Variants in CYP4F8 observed in about 807,000 individuals in gnomAD.
CYP4F8 encodes the protein cytochrome P450 family 4 subfamily F member 8.
Under a neutral mutation model 55.0 loss-of-function variants are expected in CYP4F8, and 56 were observed. That is an observed-to-expected ratio of 1.02 (90% CI 0.82 to 1.27). CYP4F8 has a LOEUF of 1.27. Among genes scored for constraint, CYP4F8 ranks in the 50% most tolerant of loss-of-function variants. CYP4F8 has a pLI of 0.00. For missense variants in CYP4F8, 680 were observed against 682.4 expected (o/e 1.00, Z 0.04); for synonymous variants, 288 against 267.3 (o/e 1.08, Z -0.76).
At chr19:15,626,310 C>T (rs1181394924) in intron 9 of CYP4F8, among the ~76,000 whole-genome samples, 1 of 152,226 alleles carries the variant, frequency 6.6e-6, no homozygotes, top group Non-Finnish European at 1.5e-5. Flanking sequence ...ATATTGGCAG[C>T]TTCTGTGCAC....
At chr19:15,626,802 T>A (rs1038902347) in intron 9 of CYP4F8, among the ~76,000 whole-genome samples, 1 of 152,192 alleles carries the variant, frequency 6.6e-6, no homozygotes, top group African/African-American at 2.4e-5. Context: ...TACTCTTAAG[T>A]CACAAAAATT....
intron 3 of CYP4F8, 152 bp from the exon 4 acceptor site, chr19:15,619,338 C>G: frequency 3.7e-6 from 3 of 817,868 alleles, no homozygotes; most frequent in Non-Finnish European, 3.8e-6. Flanking sequence ...TTATGCCCCC[C>G]ACCCTCCTTT....
chr19:15,629,072 C>G, intron 12 of CYP4F8, 121 bp from the exon 13 acceptor site: 1 of 1,395,016 alleles, frequency 7.2e-7, no homozygotes, highest in Non-Finnish European at 9.5e-7. Context: ...CCAGACCCAG[C>G]TTCCCCCCTG....
intron 5 of CYP4F8, among the ~76,000 whole-genome samples, chr19:15,621,011 G>A (rs1242234452): frequency 2.0e-5 from 3 of 152,174 alleles, no homozygotes; most frequent in Admixed American, 2.0e-4. Flanking sequence ...AGTGGCATGT[G>A]CATCTTGTTG....
chr19:15,619,521 C>T lies in CYP4F8; in HGVS notation c.375C>T (p.Tyr125=), dbSNP rs765572986. 6.6e-5 allele frequency: 106 copies of T among 1,614,084 alleles called. 1 individual carries two copies. The East Asian group carries it at 2.1e-3, about 33-fold the overall frequency. ...TTACAGACAAGGACATAGTCTTCTA[C>T]AAGACCCTGAAGCCCTGGCTGGGTA... The part of the protein sequence containing the change: ...DAITDKDIVF[Y]KTLKPWLGDG... Residue 125 remains tyrosine, a synonymous_variant, in exon 4 of 13, where the codon TAC becomes TAT. Transcript: ENST00000612078.
chr19:15,628,838 G>T lies in CYP4F8; in HGVS notation c.1392G>T (p.Gly464=), dbSNP rs755771086. 13 of 1,598,872 alleles carry T rather than the reference G, an allele frequency of 8.1e-6. No homozygotes were observed. The highest frequency in any genetic ancestry group is 5.4e-5 in the African/African-American group (4 of 74,254). Residue 464 remains glycine, a synonymous_variant, in exon 12 of 13, where the codon GGG becomes GGT. Transcript: ENST00000612078. ...TGGCTTTTATTCCTTTCTCGGCGGG[G>T]CCCAGGTGAGGCCAGGGGGTGTCTG... ...SPMAFIPFSA[G]PRNCIGQKFA...
intron 2 of CYP4F8, among the ~76,000 whole-genome samples, chr19:15,616,312 T>TCG (rs1279916799): frequency 1.4e-5 from 2 of 140,824 alleles, no homozygotes; most frequent in African/African-American, 5.4e-5. Flanking sequence ...ATTCCTCTCC[T>TCG]TGCTCACTCA....
intron 2 of CYP4F8, among the ~76,000 whole-genome samples, chr19:15,617,508 A>ATCTC (rs1324220609): frequency 6.6e-6 from 1 of 150,822 alleles, no homozygotes; most frequent in Non-Finnish European, 1.5e-5. Context: ...CTATCTATCT[A>ATCTC]TCTATCTATC....
intron 9 of CYP4F8, among the ~76,000 whole-genome samples, chr19:15,626,702 T>A (rs1972267985): frequency 6.6e-6 from 1 of 152,194 alleles, no homozygotes; most frequent in African/African-American, 2.4e-5. Context: ...GGGTCCACTG[T>A]ATCTTTTACT....
At chr19:15,618,233 A>G in intron 3 of CYP4F8, 89 bp downstream of exon 3, 1 of 1,589,410 alleles carries the variant, frequency 6.3e-7, no homozygotes, top group Non-Finnish European at 8.6e-7. Flanking sequence ...CAGCTCTTGT[A>G]GTACTCAGCC....
intron 9 of CYP4F8, among the ~76,000 whole-genome samples, chr19:15,626,622 T>TATCTATC (rs1555738315): frequency 1.4e-5 from 2 of 145,604 alleles, no homozygotes; most frequent in African/African-American, 5.1e-5. Flanking sequence ...TCTATCTATC[T>TATCTATC]ATCTATCTAT....
At chr19:15,624,364 CT>C (rs941111978) in intron 9 of CYP4F8, among the ~76,000 whole-genome samples, 2 of 152,168 alleles carry the variant, frequency 1.3e-5, no homozygotes, top group Non-Finnish European at 2.9e-5. Context: ...AACTTTTCTC[CT>C]TTGTAAATTG....
At chr19:15,622,962 A>C in intron 6 of CYP4F8, 143 bp from the exon 7 acceptor site, 2 of 993,380 alleles carry the variant, frequency 2.0e-6, no homozygotes, top group Non-Finnish European at 2.9e-6. Context: ...GGCAGCTCAC[A>C]GAGAGTGGGA....
Position 15,628,357 on chromosome 19 carries a change from T to C in CYP4F8, c.1171T>C (p.Leu391=). 6.2e-7 allele frequency: 1 copy of C among 1,614,046 alleles called. No individual in the cohort carries two copies. Among genetic ancestry groups the C allele is most frequent in the Non-Finnish European group, 8.5e-7 (1 of 1,180,006 alleles). Reference sequence around the variant, plus strand: ...CATGTGCCTGAAGGAGAGCCTGCGGTTGCATCCCCCAATCCCTACATTCGC... The same window carrying C: ...CATGTGCCTGAAGGAGAGCCTGCGGCTGCATCCCCCAATCCCTACATTCGC... ...LTMCLKESLR[L]HPPIPTFARG... is the part of the protein sequence containing the mutation. Residue 391 remains leucine, a synonymous_variant, in exon 10 of 13, where the codon TTG becomes CTG. Coordinates refer to ENST00000612078, the MANE Select transcript of CYP4F8 (RefSeq NM_007253.4).
At position 15,618,144 on chromosome 19, in the gene CYP4F8, G is replaced by T; in HGVS notation, c.343G>T (p.Asp115Tyr). ...CGTCCGATCTGTCATCAATACCTCA[G>T]GTACTCCTGCAGAGCTTGTGGTGGT... Reference protein sequence around the residue: ...DIVRSVINTSDAITDKDIVFY... With the variant: ...DIVRSVINTSYAITDKDIVFY... Residue 115 changes from aspartate to tyrosine, a missense_variant and splice_region_variant, in exon 3 of 13, where the codon GAT becomes TAT. Asp to Tyr is a radical substitution (Grantham distance 160). Transcript: ENST00000612078. 6.2e-7 allele frequency: 1 copy of T among 1,614,078 alleles called. No individual in the cohort carries two copies. Among genetic ancestry groups the T allele is most frequent in the Non-Finnish European group, 8.5e-7 (1 of 1,179,970 alleles).
intron 9 of CYP4F8, 142 bp from the exon 10 acceptor site, chr19:15,628,160 G>C: frequency 7.5e-7 from 1 of 1,326,994 alleles, no homozygotes; most frequent in Non-Finnish European, 1.0e-6. Context: ...TGTGACTTTG[G>C]TTTTCTAATG....
In CYP4F8 at chr19:15,628,809, C is replaced by A; in HGVS notation, c.1363C>A (p.Pro455Thr). 2 of 1,609,514 alleles carry A rather than the reference C, an allele frequency of 1.2e-6. No homozygotes were observed. Among genetic ancestry groups the A allele is most frequent in the Non-Finnish European group, 1.7e-6 (2 of 1,178,266 alleles). Residue 455 changes from proline (P) to threonine (T), a missense_variant, in exon 12 of 13, where the codon CCT becomes ACT. Pro to Thr is a conservative substitution (Grantham distance 38). Transcript: ENST00000612078. Reference sequence around the variant, plus strand: ...CCCAGAAAACGCCCAGAAGAGGTCACCTATGGCTTTTATTCCTTTCTCGGC... The same window carrying A: ...CCCAGAAAACGCCCAGAAGAGGTCAACTATGGCTTTTATTCCTTTCTCGGC... ...FDPENAQKRS[P>T]MAFIPFSAGP...
chr19:15,629,030 G>A lies in CYP4F8; in HGVS notation c.1398-163G>A, dbSNP rs554025333. Among the ~76,000 whole-genome samples the A allele has an allele frequency of 3.0e-4, 46 of 152,276 alleles. 1 individual carries two copies. The highest frequency in any genetic ancestry group is 2.1e-3 in the Admixed American group (32 of 15,296). On this transcript the variant is annotated intron_variant, in intron 12 of 12. Transcript: ENST00000612078. ...CAGTTGGGGCTGGGGTCTGGGCTAGGCTCTGGGAATATGCAAGCCCACATG... is the reference window on the plus strand; with the variant it reads ...CAGTTGGGGCTGGGGTCTGGGCTAGACTCTGGGAATATGCAAGCCCACATG...
Position 15,619,364 on chromosome 19 carries a change from G to A in CYP4F8, c.344-126G>A, listed in dbSNP as rs892794244. 53 of 1,125,344 alleles carry A rather than the reference G, an allele frequency of 4.7e-5. 1 individual carries two copies. The South Asian group carries it at 8.2e-4, about 17-fold the overall frequency. The allele number at this position is 1,125,344 out of a possible 1,614,324, so 69.7% of individuals were successfully genotyped here. On this transcript the variant is annotated intron_variant, in intron 3 of 12. Transcript: ENST00000612078. The stretch of plus-strand genomic sequence containing the variant: ...ACCCTCCTTTCTTCTTCTGCCCATG[G>A]CCTCCTTCCTGCTATGCTGGGCTTG...
Sources: gnomAD v4.1 joint callset for allele counts (sites outside exome capture counted in the v4.1 genomes callset) on GRCh38, gnomAD v4.1.1 for gene constraint, MANE v1.5 for transcripts, NCBI Gene and HGNC (gene_info 2026-07-23, HGNC 2026-07-21) for gene names.